ROBO1: variants seen among roughly 807,000 people sequenced by gnomAD.
The protein encoded by ROBO1 is roundabout homolog 1.
Under a neutral mutation model 195.9 loss-of-function variants are expected in ROBO1, and 149 were observed. That is an observed-to-expected ratio of 0.76 (90% CI 0.67 to 0.87). The LOEUF (loss-of-function observed/expected upper bound fraction) is 0.87, where lower values mean the gene tolerates loss of function less well. Among genes scored for constraint, ROBO1 ranks in the 40% least tolerant of loss-of-function variants. ROBO1 has a pLI of 0.00. For synonymous variants in ROBO1, 816 were observed against 733.2 expected (o/e 1.11, Z -1.82); for missense variants, 1,933 against 2,068.3 (o/e 0.93, Z 1.27).
chr3:79,548,850 TC>T (rs1942371359), intron 2 of ROBO1, among the ~76,000 whole-genome samples: 1 of 152,164 alleles, frequency 6.6e-6, no homozygotes, highest in Non-Finnish European at 1.5e-5. Context: ...CATTGCTTGC[TC>T]CATCATTGAG....
intron 2 of ROBO1, among the ~76,000 whole-genome samples, chr3:79,362,119 T>G (rs1255563831): frequency 6.6e-6 from 1 of 152,052 alleles, no homozygotes; most frequent in Non-Finnish European, 1.5e-5. Context: ...ACACCAAAAT[T>G]TAAGTCTAAC....
chr3:79,373,345 C>T (rs1378150582), intron 2 of ROBO1, among the ~76,000 whole-genome samples: 2 of 151,780 alleles, frequency 1.3e-5, no homozygotes, highest in African/African-American at 4.8e-5. Flanking sequence ...CCCATTATTC[C>T]TTCACTTTGC....
At chr3:79,335,660 C>T (rs2034636020) in intron 2 of ROBO1, among the ~76,000 whole-genome samples, 1 of 152,168 alleles carries the variant, frequency 6.6e-6, no homozygotes. Context: ...CAGTCTCCAG[C>T]AGCTCTTTAT....
chr3:79,063,170 T>C, intron 3 of ROBO1, among the ~76,000 whole-genome samples: 1 of 151,906 alleles, frequency 6.6e-6, no homozygotes, highest in East Asian at 2.0e-4. Flanking sequence ...TGTGTTCCCA[T>C]AACATTTTAT....
intron 3 of ROBO1, among the ~76,000 whole-genome samples, chr3:79,037,628 C>A (rs1032350085): frequency 6.6e-6 from 1 of 152,016 alleles, no homozygotes; most frequent in Admixed American, 6.6e-5. Context: ...TAGATATAGT[C>A]GGCTCTTAAT....
chr3:78,910,110 ATTTC>A (rs1446639312), intron 4 of ROBO1, among the ~76,000 whole-genome samples: 1 of 151,832 alleles, frequency 6.6e-6, no homozygotes, highest in African/African-American at 2.4e-5. Flanking sequence ...AGGATAAAGG[ATTTC>A]TTTATTTTGA....
intron 2 of ROBO1, among the ~76,000 whole-genome samples, chr3:79,257,726 G>C (rs2082863541): frequency 6.6e-6 from 1 of 152,150 alleles, no homozygotes; most frequent in African/African-American, 2.4e-5. Flanking sequence ...CCAAGGTCAT[G>C]TGGCAAGGCA....
intron 2 of ROBO1, among the ~76,000 whole-genome samples, chr3:79,499,956 G>A (rs1006598587): frequency 2.0e-5 from 3 of 151,778 alleles, no homozygotes; most frequent in Non-Finnish European, 2.9e-5. Flanking sequence ...GCAGGCGTGT[G>A]CCAGTATGCC....
chr3:79,659,406 T>A (rs1293456690), intron 1 of ROBO1, among the ~76,000 whole-genome samples: 1 of 152,082 alleles, frequency 6.6e-6, no homozygotes, highest in East Asian at 1.9e-4. Flanking sequence ...ACTTAAAATA[T>A]AAAAAAGTTT....
intron 3 of ROBO1, chr3:79,018,645 A>C (rs1219502739): frequency 7.1e-7 from 1 of 1,414,580 alleles, no homozygotes; most frequent in East Asian, 2.6e-5. Context: ...TATCTCAGAG[A>C]CTTTTGCAGA....
Position 78,688,689 on chromosome 3 carries a change from T to A in ROBO1, c.1129A>T (p.Asn377Tyr), listed in dbSNP as rs761156302. The A allele has an allele frequency of 5.6e-6, 9 of 1,607,610 alleles. No homozygotes were observed. The highest frequency in any genetic ancestry group is 1.7e-6 in the Non-Finnish European group (2 of 1,176,794). Residue 377 changes from asparagine to tyrosine, a missense_variant, in exon 9 of 31, where the codon AAT (asparagine) becomes TAT (tyrosine). Physicochemically the swap from Asn to Tyr is moderately radical, Grantham distance 143 (BLOSUM62 -2). This residue lies in a region of ROBO1 where 1,737 missense variants were observed against 1,882.5 expected (regional missense o/e 0.92). Transcript: ENST00000464233. Reference sequence around the variant, plus strand: ...CTCCAGAAAATAGCTGGTTGAGGATTTCCGGTTGCTTCACACTGAAAAGTT... The same window carrying A: ...CTCCAGAAAATAGCTGGTTGAGGATATCCGGTTGCTTCACACTGAAAAGTT... ...TVTFQCEATG[N>Y]PQPAIFWRRE...
At chr3:79,291,463 T>C (rs2032243548) in intron 2 of ROBO1, among the ~76,000 whole-genome samples, 2 of 152,166 alleles carry the variant, frequency 1.3e-5, no homozygotes, top group African/African-American at 4.8e-5. Flanking sequence ...CTTAAGCCCA[T>C]ACCTTTTATT....
rs556519990 is a variant in ROBO1, at chr3:79,251,789, C to A, written c.89-126250G>T. On this transcript the variant is annotated intron_variant, in intron 2 of 30. Coordinates refer to ENST00000464233, the MANE Select transcript of ROBO1 (RefSeq NM_002941.4). ...AAACAAAAAACAAACAAACAAACAACCAAAACAAGAATTAGCCAGGCATGG... is the reference window on the plus strand; with the variant it reads ...AAACAAAAAACAAACAAACAAACAAACAAAACAAGAATTAGCCAGGCATGG... Among the ~76,000 whole-genome samples the A allele has an allele frequency of 7.9e-5, 12 of 151,522 alleles. No individual in the cohort carries two copies. In the South Asian group the frequency reaches 1.9e-3, roughly 24 times the overall value.
intron 2 of ROBO1, among the ~76,000 whole-genome samples, chr3:79,309,229 T>A (rs2033368190): frequency 6.6e-6 from 1 of 152,206 alleles, no homozygotes. Flanking sequence ...TATAATAAAC[T>A]TAAAATCTGA....
At chr3:79,758,530 T>G (rs1430463000) in intron 1 of ROBO1, among the ~76,000 whole-genome samples, 1 of 152,218 alleles carries the variant, frequency 6.6e-6, no homozygotes, top group Non-Finnish European at 1.5e-5. Flanking sequence ...CTCAGTCTTA[T>G]TCAAACACGA....
chr3:79,533,854 G>T lies in ROBO1; in HGVS notation c.88+55970C>A, dbSNP rs529519139. On this transcript the variant is annotated intron_variant, in intron 2 of 30. Coordinates refer to ENST00000464233, the MANE Select transcript of ROBO1 (RefSeq NM_002941.4). ...ACTGATAGTTTTTTAGTGGTAAGCA[G>T]AAAGATGTCCATATCCCAATTCCTG... is the stretch of plus-strand genomic sequence containing the variant. Among the ~76,000 whole-genome samples, 5 of 152,196 alleles carry T rather than the reference G, an allele frequency of 3.3e-5. No homozygotes were observed. In the South Asian group the frequency reaches 6.2e-4, roughly 19 times the overall value.
At chr3:79,075,906 A>G (rs993051861) in intron 3 of ROBO1, among the ~76,000 whole-genome samples, 1 of 151,846 alleles carries the variant, frequency 6.6e-6, no homozygotes, top group South Asian at 2.1e-4. Context: ...TATTTGGACA[A>G]TTGATATTAC....
At chr3:78,810,690 C>T (rs1384365838) in intron 4 of ROBO1, among the ~76,000 whole-genome samples, 1 of 151,804 alleles carries the variant, frequency 6.6e-6, no homozygotes, top group Admixed American at 6.6e-5. Flanking sequence ...AAAGTAATCA[C>T]CCTGTAAAAT....
At chr3:79,691,330 A>C (rs536939494) in intron 1 of ROBO1, among the ~76,000 whole-genome samples, 19 of 151,994 alleles carry the variant, frequency 1.3e-4, no homozygotes, top group Admixed American at 6.6e-4. Context: ...AGAAAAAGCA[A>C]GAAGACTAAC....
Sources: gnomAD v4.1 joint callset for allele counts (sites outside exome capture counted in the v4.1 genomes callset) on GRCh38, gnomAD v4.1.1 for gene constraint, gnomAD v4.1.1 regional missense constraint, MANE v1.5 for transcripts, NCBI Gene and HGNC (gene_info 2026-07-23, HGNC 2026-07-21) for gene names.